Variants in SLC44A5 observed in about 807,000 individuals in gnomAD.
SLC44A5 encodes choline transporter-like protein 5.
A neutral mutation model predicts 101.8 loss-of-function variants in SLC44A5; 57 were observed. That is an observed-to-expected ratio of 0.56 (90% confidence interval 0.45 to 0.70). The LOEUF is 0.70. Ranked by LOEUF, SLC44A5 falls within the 30% of genes least tolerant of loss-of-function variation. The pLI is 0.00. For missense variants in SLC44A5, 737 were observed against 853.1 expected, an observed-to-expected ratio of 0.86 and a Z score of 1.70; for synonymous variants, 281 against 290.9, an observed-to-expected ratio of 0.97 and a Z score of 0.35.
chr1:75,586,661 T>C (rs1674019260), intron 1 of SLC44A5, among the ~76,000 whole-genome samples: 1 of 152,068 alleles, frequency 6.6e-6, no homozygotes, highest in Non-Finnish European at 1.5e-5. Flanking sequence ...GCAGGTCCAC[T>C]ATACCATATA....
At chr1:75,449,865 C>T (rs1665800199) in intron 2 of SLC44A5, among the ~76,000 whole-genome samples, 1 of 151,902 alleles carries the variant, frequency 6.6e-6, no homozygotes, top group Non-Finnish European at 1.5e-5. Flanking sequence ...GCTGGGCATG[C>T]TGGCGCATGC....
chr1:75,277,947 G>A (rs1652068078), intron 5 of SLC44A5, among the ~76,000 whole-genome samples: 1 of 152,002 alleles, frequency 6.6e-6, no homozygotes. Flanking sequence ...AAAGGAGATG[G>A]GCAGCAGCCA....
chr1:75,234,629 G>A (rs1314513817), intron 11 of SLC44A5, among the ~76,000 whole-genome samples: 4 of 151,990 alleles, frequency 2.6e-5, no homozygotes, highest in African/African-American at 4.8e-5. Flanking sequence ...TATCACTATG[G>A]TCTAATTATC....
rs140343524 is a variant in SLC44A5 at position 75,340,695 on chromosome 1, T to G, written c.53-1065A>C. Among the ~76,000 whole-genome samples, 1,043 of 152,348 alleles carry G rather than the reference T, an allele frequency of 6.8e-3. 19 individuals are homozygous for G. Among genetic ancestry groups the G allele is most frequent in the African/African-American group, 0.023 (972 of 41,574 alleles). ...CTTCTTTGTGCCTGTTTTCTGGCCA[T>G]GGCCAACTGGATCTGGTTCAGATAT... On this transcript the variant is annotated intron_variant, in intron 3 of 23. Coordinates refer to ENST00000370859, the MANE Select transcript of SLC44A5 (RefSeq NM_001130058.2).
At chr1:75,468,645 A>G (rs1666947146) in intron 2 of SLC44A5, among the ~76,000 whole-genome samples, 1 of 152,124 alleles carries the variant, frequency 6.6e-6, no homozygotes, top group South Asian at 2.1e-4. Flanking sequence ...GTTGATAGAG[A>G]GGAGAAGGAT....
chr1:75,700,598 T>G, the SLC44A5 span, among the ~76,000 whole-genome samples: 1 of 152,054 alleles, frequency 6.6e-6, no homozygotes, highest in Admixed American at 6.6e-5. Flanking sequence ...TTAAAAGAAC[T>G]AGAGAAGCAA....
intron 2 of SLC44A5, among the ~76,000 whole-genome samples, chr1:75,472,113 G>T (rs889600967): frequency 6.6e-6 from 1 of 151,344 alleles, no homozygotes; most frequent in Non-Finnish European, 1.5e-5. Context: ...CTGGGGCCTG[G>T]GTGTTTATTC....
the SLC44A5 span, among the ~76,000 whole-genome samples, chr1:75,689,991 A>C: frequency 6.6e-6 from 1 of 151,874 alleles, no homozygotes; most frequent in Non-Finnish European, 1.5e-5. Context: ...GCAGCTGGAG[A>C]CTCCCATTCC....
intron 5 of SLC44A5, 113 bp from the exon 6 acceptor site, chr1:75,275,155 A>G: frequency 1.4e-6 from 1 of 690,260 alleles, no homozygotes; most frequent in Admixed American, 2.7e-5. Context: ...CCTCAGTCAC[A>G]GAAGATTATT....
the SLC44A5 span, among the ~76,000 whole-genome samples, chr1:75,668,468 G>A: frequency 6.6e-6 from 1 of 150,470 alleles, no homozygotes; most frequent in Non-Finnish European, 1.5e-5. Flanking sequence ...AGGATTACAG[G>A]TATATGACAC....
chr1:75,416,877 C>T (rs1663682740), intron 2 of SLC44A5, among the ~76,000 whole-genome samples: 1 of 152,146 alleles, frequency 6.6e-6, no homozygotes, highest in Admixed American at 6.5e-5. Context: ...CTGTATTTAT[C>T]CAATGCCTGT....
intron 2 of SLC44A5, among the ~76,000 whole-genome samples, chr1:75,476,928 T>G (rs959928875): frequency 6.6e-6 from 1 of 152,246 alleles, no homozygotes; most frequent in Non-Finnish European, 1.5e-5. Flanking sequence ...GCTGGAGATC[T>G]GAGAATGGGC....
chr1:75,576,701 T>A (rs1388255764), intron 1 of SLC44A5, among the ~76,000 whole-genome samples: 1 of 152,172 alleles, frequency 6.6e-6, no homozygotes, highest in East Asian at 1.9e-4. Context: ...TTCCATATTA[T>A]AAGTCTATAT....
chr1:75,716,827 T>C, the SLC44A5 span, among the ~76,000 whole-genome samples: 36,744 of 150,542 alleles, frequency 0.24, 4,760 homozygotes, highest in Non-Finnish European at 0.3. Context: ...AGCTCAGGAG[T>C]TCAAGACCAG....
intron 2 of SLC44A5, among the ~76,000 whole-genome samples, chr1:75,504,355 A>G (rs924214888): frequency 6.6e-6 from 1 of 152,110 alleles, no homozygotes; most frequent in Non-Finnish European, 1.5e-5. Flanking sequence ...GACCAATAAC[A>G]TATATTTCTT....
rs150144941 is a variant in SLC44A5 at position 75,438,616 on chromosome 1, C to A, written c.14-41995G>T. On this transcript the variant is annotated intron_variant, in intron 2 of 23. Coordinates refer to ENST00000370859, the MANE Select transcript of SLC44A5 (RefSeq NM_001130058.2). ...GACTAAGCTTTAGGCAGCTGCAAGA[C>A]AGGGAAGCTGAACCTCAGATTCTCA... Among the ~76,000 whole-genome samples the A allele has an allele frequency of 9.1e-4, 138 of 152,176 alleles. 1 individual carries two copies. Among genetic ancestry groups the A allele is most frequent in the South Asian group, 2.3e-3 (11 of 4,826 alleles).
In SLC44A5 at chr1:75,388,701, C is replaced by A. The variant is rs139022022; in HGVS notation, c.52+7882G>T. Among the ~76,000 whole-genome samples the A allele has an allele frequency of 8.1e-3, 1,238 of 151,974 alleles. 10 individuals are homozygous for A. The highest frequency in any genetic ancestry group is 0.013 in the Non-Finnish European group (868 of 67,970). ...GGCTGAGGCAGGAGAATGGCATGAACCCGGGAGGCAGAGCTTGCAGTGAGC... is the reference window on the plus strand; with the variant it reads ...GGCTGAGGCAGGAGAATGGCATGAAACCGGGAGGCAGAGCTTGCAGTGAGC... On this transcript the variant is annotated intron_variant, in intron 3 of 23. Coordinates refer to ENST00000370859, the MANE Select transcript of SLC44A5 (RefSeq NM_001130058.2).
At chr1:75,676,229 A>G in the SLC44A5 span, among the ~76,000 whole-genome samples, 1 of 152,362 alleles carries the variant, frequency 6.6e-6, no homozygotes, top group South Asian at 2.1e-4. Flanking sequence ...TTTTTCTATT[A>G]TAAAAATACA....
At chr1:75,285,124 G>C (rs1412301385) in intron 5 of SLC44A5, among the ~76,000 whole-genome samples, 1 of 149,790 alleles carries the variant, frequency 6.7e-6, no homozygotes, top group Non-Finnish European at 1.5e-5. Context: ...CTGTGAATCT[G>C]TCTGGTCCTG....
Sources: allele counts gnomAD v4.1 joint callset (sites outside exome capture counted in the v4.1 genomes callset), GRCh38; gene constraint gnomAD v4.1.1; transcripts MANE v1.5; gene names NCBI Gene and HGNC (gene_info 2026-07-23, HGNC 2026-07-21).